Variants in SLC47A1 observed in about 807,000 individuals in gnomAD.
SLC47A1 encodes the protein solute carrier family 47 member 1.
Under a neutral mutation model 65.8 loss-of-function variants are expected in SLC47A1, and 58 were observed. The observed-to-expected ratio is 0.88, with a 90% confidence interval of 0.71 to 1.10. The LOEUF (loss-of-function observed/expected upper bound fraction) is 1.10, where lower values mean the gene tolerates loss of function less well. SLC47A1 is among the 50% of genes least tolerant of loss of function. The pLI is 0.00. For synonymous variants in SLC47A1, 285 were observed against 295.0 expected, an observed-to-expected ratio of 0.97 and a Z score of 0.35; for missense variants, 706 against 719.2, an observed-to-expected ratio of 0.98 and a Z score of 0.21.
rs1354826404 is a variant in SLC47A1 at position 19,533,969 on chromosome 17, G to T, written c.30G>T (p.Val10=). MEAPEEPAP[V]RGGPEATLEV... The stretch of plus-strand genomic sequence containing the variant: ...AAGCTCCTGAGGAGCCCGCGCCAGT[G>T]CGCGGAGGCCCGGAGGCCACCCTTG... The change falls in exon 1 of 17, where the codon GTG becomes GTT. Residue 10 remains valine, a synonymous_variant. Transcript: ENST00000270570. The T allele has an allele frequency of 1.3e-6, 2 of 1,536,894 alleles. No individual in the cohort carries two copies. Among genetic ancestry groups the T allele is most frequent in the Admixed American group, 4.0e-5 (2 of 50,404 alleles).
In SLC47A1 at chr17:19,534,032, C is replaced by G. The variant is rs1351069694; in HGVS notation, c.93C>G (p.Phe31Leu). ...CGCGCTGCTTGCGGCTGTCCGCCTTCCGAGAAGAGCTGCGGGCGCTCTTGG... is the reference window on the plus strand; with the variant it reads ...CGCGCTGCTTGCGGCTGTCCGCCTTGCGAGAAGAGCTGCGGGCGCTCTTGG... ...RGSRCLRLSA[F>L]REELRALLVL... is the part of the protein sequence containing the mutation. Residue 31 changes from phenylalanine to leucine, a missense_variant, in exon 1 of 17, where the codon TTC becomes TTG. By Grantham distance (22) the Phe-to-Leu change is conservative. Coordinates refer to ENST00000270570, the MANE Select transcript of SLC47A1 (RefSeq NM_018242.3). The G allele has an allele frequency of 1.9e-6, 3 of 1,547,778 alleles. No homozygotes were observed. The African/African-American group carries it at 4.2e-5, about 21-fold the overall frequency.
chr17:19,555,216 T>G lies in SLC47A1; in HGVS notation c.548T>G (p.Ile183Ser). The change falls in exon 7 of 17, where the codon ATT becomes AGT. Residue 183 changes from isoleucine (I) to serine (S), a missense_variant. Physicochemically the swap from Ile to Ser is moderately radical, Grantham distance 142 (BLOSUM62 -2). Transcript: ENST00000270570. ...CATGCGGTGTCCTTTTTCCAGGGAA[T>G]TGTACTGCCCCAGATCGTAACTGGA... is the stretch of plus-strand genomic sequence containing the variant. Reference protein sequence around the residue: ...LQVKYLLNQGIVLPQIVTGVA... With the variant: ...LQVKYLLNQGSVLPQIVTGVA... 6.2e-7 allele frequency: 1 copy of G among 1,614,142 alleles called. No individual in the cohort carries two copies. Among genetic ancestry groups the G allele is most frequent in the Non-Finnish European group, 8.5e-7 (1 of 1,180,018 alleles).
At chr17:19,573,300 T>TC (rs950876323) in intron 16 of SLC47A1, among the ~76,000 whole-genome samples, 85 of 152,180 alleles carry the variant, frequency 5.6e-4, no homozygotes, top group African/African-American at 1.8e-3. Flanking sequence ...AGTTGAGTAA[T>TC]CCCCCCGATT....
intron 15 of SLC47A1, 39 bp downstream of exon 15, chr17:19,571,611 C>T (rs945064467): frequency 6.6e-7 from 1 of 1,517,776 alleles, no homozygotes; most frequent in Non-Finnish European, 9.1e-7. Context: ...GGTTCCTCTC[C>T]TAGAAAAACA....
chr17:19,553,788 C>T lies in SLC47A1; in HGVS notation c.544-1424C>T, dbSNP rs373614073. On this transcript the variant is annotated intron_variant, in intron 6 of 16. Transcript: ENST00000270570. ...AACTCCTGACCTCAGGTGATCCACTCGCCTTGGCCTCCCAAAGTGCTGGGA... is the reference window on the plus strand; with the variant it reads ...AACTCCTGACCTCAGGTGATCCACTTGCCTTGGCCTCCCAAAGTGCTGGGA... 7.9e-5 allele frequency among the ~76,000 whole-genome samples: 12 copies of T among 152,284 alleles called. 1 individual carries two copies. The East Asian group carries it at 1.7e-3, about 22-fold the overall frequency.
At chr17:19,565,137 G>C (rs1184009509) in intron 12 of SLC47A1, among the ~76,000 whole-genome samples, 1 of 152,152 alleles carries the variant, frequency 6.6e-6, no homozygotes, top group Non-Finnish European at 1.5e-5. Flanking sequence ...TGCTTCCCCA[G>C]GTCAGGGCAG....
At chr17:19,549,306 C>G (rs1916379057) in intron 4 of SLC47A1, among the ~76,000 whole-genome samples, 1 of 151,816 alleles carries the variant, frequency 6.6e-6, no homozygotes, top group Admixed American at 6.6e-5. Context: ...TCAAAAGATT[C>G]TCCTGCCGCA....
intron 12 of SLC47A1, among the ~76,000 whole-genome samples, chr17:19,564,102 C>T (rs1309721007): frequency 6.6e-6 from 1 of 152,126 alleles, no homozygotes. Flanking sequence ...CCTGTAATCC[C>T]AACACTTTGG....
At chr17:19,559,482 A>C (rs753413627) in intron 10 of SLC47A1, among the ~76,000 whole-genome samples, 17 of 152,168 alleles carry the variant, frequency 1.1e-4, no homozygotes, top group Non-Finnish European at 2.2e-4. Context: ...TGATTGTGCC[A>C]CTGCACTCCA....
intron 4 of SLC47A1, 27 bp from the exon 5 acceptor site, chr17:19,549,608 T>C: frequency 1.2e-6 from 2 of 1,612,716 alleles, no homozygotes; most frequent in Non-Finnish European, 1.7e-6. Context: ...TCACAGTTTT[T>C]GTTTTCTTTT....
At position 19,576,350 on chromosome 17, in the gene SLC47A1, C is replaced by CT. The variant is rs2084439575; in HGVS notation, c.1487-977_1487-976insT. ...AATAGCCTTGTATTCTTTCTTCCTT[C>CT]CTTTTTTTTTTTTTTTTTTGACACT... On this transcript the variant is annotated intron_variant, in intron 16 of 16. Coordinates refer to ENST00000270570, the MANE Select transcript of SLC47A1 (RefSeq NM_018242.3). Among the ~76,000 whole-genome samples, 3 of 141,888 alleles carry CT rather than the reference C, an allele frequency of 2.1e-5. No individual in the cohort carries two copies. In the Admixed American group the frequency reaches 2.2e-4, roughly 10 times the overall value. 93.1% of individuals were successfully genotyped at this position (141,888 alleles called of 152,430 possible). A position where few individuals can be genotyped will look rare whatever the true frequency, so the allele number is the denominator to read the frequency against.
At chr17:19,545,584 G>A (rs144761526) in intron 2 of SLC47A1, among the ~76,000 whole-genome samples, 2,404 of 152,014 alleles carry the variant, frequency 0.016, 39 homozygotes, top group Admixed American at 0.036. Flanking sequence ...TCTGCTTCTT[G>A]GGATCAAGTG....
intron 10 of SLC47A1, chr17:19,557,487 C>T: frequency 2.2e-6 from 1 of 458,744 alleles, no homozygotes; most frequent in Non-Finnish European, 4.4e-6. Flanking sequence ...ATTAACAACT[C>T]TTCAAGGAAC....
intron 6 of SLC47A1, among the ~76,000 whole-genome samples, chr17:19,553,318 CCTCTT>C (rs1209094354): frequency 6.6e-6 from 1 of 152,130 alleles, no homozygotes. Context: ...GGCTTGGCCA[CCTCTT>C]CTCGTTCTCC....
chr17:19,554,000 C>T (rs768988913), intron 6 of SLC47A1, among the ~76,000 whole-genome samples: 4 of 152,170 alleles, frequency 2.6e-5, no homozygotes, highest in Admixed American at 6.5e-5. Flanking sequence ...CACAAGTTGT[C>T]GGCCAAGACC....
intron 1 of SLC47A1, among the ~76,000 whole-genome samples, chr17:19,537,287 T>C (rs756420665): frequency 1.3e-5 from 2 of 151,198 alleles, no homozygotes; most frequent in Non-Finnish European, 3.0e-5. Flanking sequence ...GGGGGTGAGG[T>C]GGGGGATCTG....
At chr17:19,566,997 TA>T in intron 13 of SLC47A1, 98 bp from the exon 14 acceptor site, 1 of 1,597,682 alleles carries the variant, frequency 6.3e-7, no homozygotes, top group Admixed American at 1.7e-5. Context: ...ACTGTCACCT[TA>T]CCATGGATTT....
chr17:19,562,546 C>CA (rs1267620423), intron 12 of SLC47A1, among the ~76,000 whole-genome samples: 1 of 144,208 alleles, frequency 6.9e-6, no homozygotes, highest in East Asian at 2.0e-4. Flanking sequence ...GCCTGGGCAA[C>CA]AGAGTGAGAC....
intron 12 of SLC47A1, 131 bp downstream of exon 12, chr17:19,560,624 C>G: frequency 2.2e-6 from 2 of 904,982 alleles, no homozygotes; most frequent in Admixed American, 4.0e-5. Context: ...AAGAAAACAT[C>G]TCACTCACAC....
Sources: gnomAD v4.1 joint callset for allele counts (sites outside exome capture counted in the v4.1 genomes callset) on GRCh38, gnomAD v4.1.1 for gene constraint, MANE v1.5 for transcripts, NCBI Gene and HGNC (gene_info 2026-07-23, HGNC 2026-07-21) for gene names.